PEBP4: variants seen among roughly 807,000 people sequenced by gnomAD.
PEBP4 encodes the protein phosphatidylethanolamine-binding protein 4.
A neutral mutation model predicts 23.9 loss-of-function variants in PEBP4; 22 were observed. The observed-to-expected ratio is 0.92, with a 90% CI of 0.66 to 1.31. The LOEUF is 1.31. Ranked by LOEUF, PEBP4 falls within the 40% of genes most tolerant of loss-of-function variation. PEBP4 has a pLI of 0.00. For missense variants in PEBP4, 324 were observed against 281.7 expected (o/e 1.15, Z -1.07); for synonymous variants, 112 against 99.3 (o/e 1.13, Z -0.76).
intron 3 of PEBP4, among the ~76,000 whole-genome samples, chr8:22,917,588 T>C (rs1035528193): frequency 1.3e-5 from 2 of 152,202 alleles, no homozygotes; most frequent in African/African-American, 4.8e-5. Context: ...TCTGGCACCT[T>C]TCAGCTCTGT....
intron 4 of PEBP4, among the ~76,000 whole-genome samples, chr8:22,781,281 AGGGAGTTCC>A (rs1418158368): frequency 6.6e-6 from 1 of 151,442 alleles, no homozygotes; most frequent in Non-Finnish European, 1.5e-5. Flanking sequence ...GTGGAGGAGT[AGGGAGTTCC>A]GGGAGAGCCG....
intron 3 of PEBP4, among the ~76,000 whole-genome samples, chr8:22,874,311 G>T (rs1323020619): frequency 5.3e-5 from 8 of 152,084 alleles, no homozygotes. Context: ...TAGAAGATGG[G>T]GATTCATCAT....
rs1332933704 is a variant in PEBP4, at chr8:22,795,155, ATATATATATTTTTTTTTTTTTTT to A, written c.357+22459_357+22481del. On this transcript the variant is annotated intron_variant, in intron 4 of 6. Transcript: ENST00000256404. ...TATATGTGTGTGTGTATATATATAT[ATATATATATTTTTTTTTTTTTTT>A]TTTTTTTTTTTTTTTGAGATGGAGT... is the stretch of plus-strand genomic sequence containing the variant. 9.2e-5 allele frequency among the ~76,000 whole-genome samples: 3 copies of A among 32,568 alleles called. No individual in the cohort carries two copies. In the East Asian group the frequency reaches 3.2e-3, roughly 35 times the overall value. 21.4% of individuals were successfully genotyped at this position (32,568 alleles called of 152,430 possible). A position where few individuals can be genotyped will look rare whatever the true frequency, so the allele number is the denominator to read the frequency against.
intron 4 of PEBP4, among the ~76,000 whole-genome samples, chr8:22,795,765 T>C (rs1171804586): frequency 2.0e-5 from 3 of 152,252 alleles, no homozygotes; most frequent in Non-Finnish European, 2.9e-5. Flanking sequence ...GAAAGATTTT[T>C]TTTTCCATTT....
At chr8:22,815,282 G>C (rs1290158548) in intron 4 of PEBP4, among the ~76,000 whole-genome samples, 1 of 152,188 alleles carries the variant, frequency 6.6e-6, no homozygotes, top group East Asian at 1.9e-4. Context: ...CCCTCTGGAT[G>C]CTTGTTAAGC....
chr8:22,896,729 T>A (rs897582386), intron 3 of PEBP4, among the ~76,000 whole-genome samples: 5 of 152,182 alleles, frequency 3.3e-5, no homozygotes, highest in Non-Finnish European at 5.9e-5. Flanking sequence ...CAACTTATGA[T>A]AAGGCAGAAT....
chr8:22,831,184 A>G (rs1807077853), intron 3 of PEBP4, among the ~76,000 whole-genome samples: 1 of 152,216 alleles, frequency 6.6e-6, no homozygotes, highest in South Asian at 2.1e-4. Flanking sequence ...ATTCAAGGTC[A>G]TTTCTCTGGA....
chr8:22,845,180 G>A lies in PEBP4; in HGVS notation c.259-27445C>T, dbSNP rs1000377047. ...ATGAAGGAAGACTTTCCAACAGTCA[G>A]CGCTGAGCAGCTCTGCAATGGGCTG... On this transcript the variant is annotated intron_variant, in intron 3 of 6. Coordinates refer to ENST00000256404, the MANE Select transcript of PEBP4 (RefSeq NM_144962.3). 2.0e-5 allele frequency among the ~76,000 whole-genome samples: 3 copies of A among 152,288 alleles called. No homozygotes were observed. The East Asian group carries it at 5.8e-4, about 29-fold the overall frequency.
At chr8:22,744,617 A>G (rs1805073075) in intron 4 of PEBP4, 1 of 152,264 alleles carries the variant, frequency 6.6e-6, no homozygotes, top group East Asian at 1.9e-4. Flanking sequence ...ACAATGCAGA[A>G]CAGACGATGC....
At chr8:22,868,061 C>A (rs1807940823) in intron 3 of PEBP4, among the ~76,000 whole-genome samples, 1 of 152,176 alleles carries the variant, frequency 6.6e-6, no homozygotes, top group Admixed American at 6.5e-5. Context: ...TGATAAGTGG[C>A]TGCCGACAGA....
chr8:22,874,701 T>C (rs1808084704), intron 3 of PEBP4, among the ~76,000 whole-genome samples: 1 of 152,194 alleles, frequency 6.6e-6, no homozygotes, highest in Non-Finnish European at 1.5e-5. Flanking sequence ...GTAAATGCAG[T>C]GCTTTCTTAT....
chr8:22,749,436 G>A (rs1303338633), intron 4 of PEBP4, among the ~76,000 whole-genome samples: 1 of 152,230 alleles, frequency 6.6e-6, no homozygotes, highest in African/African-American at 2.4e-5. Flanking sequence ...TACCCAGCTA[G>A]AGCTGGAGAG....
intron 3 of PEBP4, among the ~76,000 whole-genome samples, chr8:22,860,116 CAA>C (rs61162189): frequency 0.5 from 45,465 of 91,034 alleles, 9,999 homozygotes; most frequent in South Asian, 0.68. Context: ...GACTCCGTCT[CAA>C]AAAAAAAAAA....
intron 4 of PEBP4, among the ~76,000 whole-genome samples, chr8:22,765,935 C>A (rs935858101): frequency 6.7e-6 from 1 of 149,672 alleles, no homozygotes; most frequent in Non-Finnish European, 1.5e-5. Flanking sequence ...CACCACCATT[C>A]ATGGATCACC....
chr8:22,769,539 C>T (rs546529722), intron 4 of PEBP4, among the ~76,000 whole-genome samples: 2 of 152,290 alleles, frequency 1.3e-5, no homozygotes, highest in Admixed American at 6.5e-5. Context: ...TCCTTTCCTG[C>T]TGCGTGGATG....
At chr8:22,746,064 A>T (rs909168625) in intron 4 of PEBP4, among the ~76,000 whole-genome samples, 2 of 152,188 alleles carry the variant, frequency 1.3e-5, no homozygotes, top group African/African-American at 4.8e-5. Flanking sequence ...CCCTGGTCTG[A>T]AAAATGCACC....
intron 3 of PEBP4, among the ~76,000 whole-genome samples, chr8:22,835,430 C>T (rs2128764709): frequency 1.3e-5 from 2 of 152,318 alleles, no homozygotes; most frequent in Non-Finnish European, 2.9e-5. Flanking sequence ...GACTGAGCTT[C>T]CTAGCATCTT....
At chr8:22,730,069 C>A (rs1804700067) in intron 4 of PEBP4, among the ~76,000 whole-genome samples, 1 of 152,162 alleles carries the variant, frequency 6.6e-6, no homozygotes, top group Non-Finnish European at 1.5e-5. Context: ...AGGTCTCATG[C>A]CTTTCGACCT....
rs149687721 is a variant in PEBP4 at position 22,855,538 on chromosome 8, C to T, written c.259-37803G>A. Among the ~76,000 whole-genome samples the T allele has an allele frequency of 8.1e-3, 1,232 of 152,282 alleles. 8 individuals carry two copies. Among genetic ancestry groups the T allele is most frequent in the Non-Finnish European group, 0.013 (915 of 68,022 alleles). On this transcript the variant is annotated intron_variant, in intron 3 of 6. Coordinates refer to ENST00000256404, the MANE Select transcript of PEBP4 (RefSeq NM_144962.3). ...TCTGGCCCTGCAGGCCTTTTGGAGG[C>T]TGTGCACCCCTGAGGTTAAGTCTTC...
Sources: allele counts gnomAD v4.1 joint callset (sites outside exome capture counted in the v4.1 genomes callset), GRCh38; gene constraint gnomAD v4.1.1; transcripts MANE v1.5; gene names NCBI Gene and HGNC (gene_info 2026-07-23, HGNC 2026-07-21).